Variants in ZNF844 observed in about 807,000 individuals in gnomAD.
ZNF844 encodes the protein zinc finger protein 844.
Under a neutral mutation model 11.4 loss-of-function variants are expected in ZNF844, and 11 were observed. The ratio of observed to expected loss-of-function variants is 0.97; its 90% CI spans 0.61 to 1.60. ZNF844 has a LOEUF of 1.60. Among genes scored for constraint, ZNF844 ranks in the 40% most tolerant of loss-of-function variants. The pLI is 0.00. For missense variants in ZNF844, 790 were observed against 796.8 expected (o/e 0.99, Z 0.10); for synonymous variants, 248 against 260.3 (o/e 0.95, Z 0.46).
At chr19:12,072,485 A>G (rs1975762665) in intron 1 of ZNF844, among the ~76,000 whole-genome samples, 1 of 151,756 alleles carries the variant, frequency 6.6e-6, no homozygotes, top group South Asian at 2.1e-4. Flanking sequence ...TTCCATAAAG[A>G]TTGAGCCATT....
intron 1 of ZNF844, among the ~76,000 whole-genome samples, chr19:12,069,953 CAAA>C (rs34426508): frequency 4.6e-5 from 3 of 64,938 alleles, no homozygotes; most frequent in Admixed American, 1.9e-4. Context: ...GACTCCGTCT[CAAA>C]AAAAAAAAAA....
chr19:12,069,361 G>A (rs1173148466), intron 1 of ZNF844, among the ~76,000 whole-genome samples: 1 of 150,312 alleles, frequency 6.7e-6, no homozygotes, highest in Non-Finnish European at 1.5e-5. Context: ...TTTTTGTATT[G>A]TTAGTAGAGA....
chr19:12,064,785 G>A lies in ZNF844; in HGVS notation c.-89G>A. 2.1e-6 allele frequency: 3 copies of A among 1,457,246 alleles called. No homozygotes were observed. The highest frequency in any genetic ancestry group is 2.8e-6 in the Non-Finnish European group (3 of 1,075,434). The allele number at this position is 1,457,246 out of a possible 1,614,324, so 90.3% of individuals were successfully genotyped here. On this transcript the variant is annotated 5_prime_UTR_variant, in exon 1 of 4. Coordinates refer to ENST00000439326, the MANE Select transcript of ZNF844 (RefSeq NM_001136501.3). ...TGGCACCCCGTTTTTCCTGCTCTGA[G>A]AGGGACCGGTTGCCACCGCCATACT...
At chr19:12,074,543 T>C (rs999525258) in intron 3 of ZNF844, 122 bp downstream of exon 3, 4 of 783,872 alleles carry the variant, frequency 5.1e-6, no homozygotes, top group African/African-American at 1.8e-5. Flanking sequence ...TCTTAAAATA[T>C]TCACTCTAAA....
At position 12,078,258 on chromosome 19, in the gene ZNF844, C is replaced by G. The variant is rs1975854671; in HGVS notation, c.*1137C>G. The G allele has an allele frequency of 6.6e-6, 1 of 152,230 alleles. No homozygotes were observed. The highest frequency in any genetic ancestry group is 1.5e-5 in the Non-Finnish European group (1 of 68,152). The allele number at this position is 152,230 out of a possible 1,614,324, so 9.4% of individuals were successfully genotyped here. ...CTCAGGCTCCTGAGGAAAAAGATTC[C>G]TAGGATTACAGGTGTGCACCACCAC... On this transcript the variant is annotated 3_prime_UTR_variant, in exon 4 of 4. Coordinates refer to ENST00000439326, the MANE Select transcript of ZNF844 (RefSeq NM_001136501.3).
chr19:12,065,711 C>T (rs112358632), intron 1 of ZNF844, among the ~76,000 whole-genome samples: 2,152 of 150,482 alleles, frequency 0.014, 58 homozygotes, highest in African/African-American at 0.048. Flanking sequence ...GATCTGGGCT[C>T]AGTGCAACCT....
chr19:12,069,427 A>G (rs1975729044), intron 1 of ZNF844, among the ~76,000 whole-genome samples: 1 of 151,024 alleles, frequency 6.6e-6, no homozygotes, highest in African/African-American at 2.4e-5. Context: ...CAGGTGATCC[A>G]CCCACCTTGG....
At chr19:12,073,269 C>T (rs892156365) in intron 1 of ZNF844, among the ~76,000 whole-genome samples, 2 of 152,058 alleles carry the variant, frequency 1.3e-5, no homozygotes, top group African/African-American at 4.8e-5. Flanking sequence ...AAGCAATTCT[C>T]CTGCCTCAGC....
chr19:12,073,353 T>G (rs1975772018), intron 1 of ZNF844, among the ~76,000 whole-genome samples: 1 of 152,124 alleles, frequency 6.6e-6, no homozygotes, highest in African/African-American at 2.4e-5. Context: ...GAGACAGGGT[T>G]TCTCCATGTT....
chr19:12,076,936 G>T lies in ZNF844; in HGVS notation c.1816G>T (p.Glu606Ter), dbSNP rs1472743407. ...YLPRSFEYMQEHTLERNPMNV... is the reference protein window; with the variant it reads ...YLPRSFEYMQ ...GCCAAGATCCTTCGAGTACATGCAA[G>T]AACACACCCTGGAGAGAAACCCTAT... The change falls in exon 4 of 4, where the codon GAA (glutamate) becomes TAA (stop). Residue 606 changes from glutamate (E) to a stop codon, truncating the protein, a stop_gained. Coordinates refer to ENST00000439326, the MANE Select transcript of ZNF844 (RefSeq NM_001136501.3). LOFTEE classifies it low-confidence loss of function (END_TRUNC). 6.3e-7 allele frequency: 1 copy of T among 1,599,806 alleles called. No individual in the cohort carries two copies. The highest frequency in any genetic ancestry group is 8.5e-7 in the Non-Finnish European group (1 of 1,173,022).
At chr19:12,074,528 T>C (rs1568359922) in intron 3 of ZNF844, 107 bp downstream of exon 3, 12 of 844,032 alleles carry the variant, frequency 1.4e-5, no homozygotes, top group South Asian at 1.1e-4. Context: ...ATTAAATTTA[T>C]TTACTCTTAA....
At chr19:12,073,990 C>G in intron 1 of ZNF844, 41 bp from the exon 2 acceptor site, 1 of 1,592,206 alleles carries the variant, frequency 6.3e-7, no homozygotes, top group Non-Finnish European at 8.5e-7. Flanking sequence ...CCAGTGCTGT[C>G]AGTCTCACCC....
intron 1 of ZNF844, 56 bp from the exon 2 acceptor site, chr19:12,073,975 G>A (rs1230432425): frequency 6.4e-7 from 1 of 1,573,776 alleles, no homozygotes; most frequent in Non-Finnish European, 8.6e-7. Context: ...AGAGGGTATA[G>A]ACCCCCAGTG....
rs2145552745 is a variant in ZNF844, at chr19:12,079,892, GC to G, written c.*2773del. Reference sequence around the variant, plus strand: ...ACCTGGGAGGCGGAGGTTGCAGTGAGCCAAGATCACAGCATTGCACTTCAGC... The same window carrying G: ...ACCTGGGAGGCGGAGGTTGCAGTGAGCAAGATCACAGCATTGCACTTCAGC... On this transcript the variant is annotated 3_prime_UTR_variant, in exon 4 of 4. Coordinates refer to ENST00000439326, the MANE Select transcript of ZNF844 (RefSeq NM_001136501.3). 1 of 148,878 alleles carries G rather than the reference GC, an allele frequency of 6.7e-6. No homozygotes were observed. Among genetic ancestry groups the G allele is most frequent in the South Asian group, 2.1e-4 (1 of 4,720 alleles). The allele number at this position is 148,878 out of a possible 1,614,324, so 9.2% of individuals were successfully genotyped here. A position where few individuals can be genotyped will look rare whatever the true frequency, so the allele number is the denominator to read the frequency against.
At position 12,078,292 on chromosome 19, in the gene ZNF844, A is replaced by G. The variant is rs557866274; in HGVS notation, c.*1171A>G. ...CAGGTGTGCACCACCACACTTGGCT[A>G]ATTTTTATATTTTTAGTAGAGATGA... On this transcript the variant is annotated 3_prime_UTR_variant, in exon 4 of 4. Coordinates refer to ENST00000439326, the MANE Select transcript of ZNF844 (RefSeq NM_001136501.3). 3 of 152,014 alleles carry G rather than the reference A, an allele frequency of 2.0e-5. No homozygotes were observed. Among genetic ancestry groups the G allele is most frequent in the East Asian group, 1.9e-4 (1 of 5,166 alleles). The allele number at this position is 152,014 out of a possible 1,614,324, so 9.4% of individuals were successfully genotyped here. A position where few individuals can be genotyped will look rare whatever the true frequency, so the allele number is the denominator to read the frequency against.
At position 12,076,460 on chromosome 19, in the gene ZNF844, G is replaced by A. The variant is rs376579156; in HGVS notation, c.1340G>A (p.Arg447His). 281 of 1,606,672 alleles carry A rather than the reference G, an allele frequency of 1.7e-4. No individual in the cohort carries two copies. The African/African-American group carries it at 2.7e-3, about 16-fold the overall frequency. ...AAAGGACTCACACTGGAGAGAAACC[G>A]TATGAGTGTAAGCAATGTGGGAAAG... Reference protein sequence around the residue: ...IMKGLTLERNRMSVSNVGKPS... With the variant: ...IMKGLTLERNHMSVSNVGKPS... The change falls in exon 4 of 4, where the codon CGT becomes CAT. Residue 447 changes from arginine to histidine, a missense_variant. Physicochemically the swap from Arg to His is conservative, Grantham distance 29 (BLOSUM62 0). Coordinates refer to ENST00000439326, the MANE Select transcript of ZNF844 (RefSeq NM_001136501.3).
In ZNF844 at chr19:12,077,772, A is replaced by G. The variant is rs1208302083; in HGVS notation, c.*651A>G. 1 of 356,642 alleles carries G rather than the reference A, an allele frequency of 2.8e-6. No individual in the cohort carries two copies. The highest frequency in any genetic ancestry group is 7.0e-5 in the East Asian group (1 of 14,326). The allele number at this position is 356,642 out of a possible 1,614,324, so 22.1% of individuals were successfully genotyped here. A position where few individuals can be genotyped will look rare whatever the true frequency, so the allele number is the denominator to read the frequency against. On this transcript the variant is annotated 3_prime_UTR_variant, in exon 4 of 4. Coordinates refer to ENST00000439326, the MANE Select transcript of ZNF844 (RefSeq NM_001136501.3). ...ATTTGCTAAGAACCTTCAAATACAGACAATGAATGTAAACAATTAAATGTT... is the reference window on the plus strand; with the variant it reads ...ATTTGCTAAGAACCTTCAAATACAGGCAATGAATGTAAACAATTAAATGTT...
Position 12,076,451 on chromosome 19 carries a change from A to G in ZNF844, c.1331A>G (p.Glu444Gly). The G allele has an allele frequency of 6.2e-7, 1 of 1,614,024 alleles. No individual in the cohort carries two copies. The highest frequency in any genetic ancestry group is 1.1e-5 in the South Asian group (1 of 91,078). The change falls in exon 4 of 4, where the codon GAG (glutamate) becomes GGG (glycine). Residue 444 changes from glutamate to glycine, a missense_variant. By Grantham distance (98) the Glu-to-Gly change is moderately conservative (BLOSUM62 -2). Transcript: ENST00000439326. ...GATATCATGAAAGGACTCACACTGG[A>G]GAGAAACCGTATGAGTGTAAGCAAT... ...PFDIMKGLTL[E>G]RNRMSVSNVG...
rs1389109278 is a variant in ZNF844 at position 12,076,697 on chromosome 19, C to T, written c.1577C>T (p.Thr526Ile). 1 of 1,613,850 alleles carries T rather than the reference C, an allele frequency of 6.2e-7. No homozygotes were observed. Among genetic ancestry groups the T allele is most frequent in the African/African-American group, 1.3e-5 (1 of 74,976 alleles). Residue 526 changes from threonine (T) to isoleucine (I), a missense_variant, in exon 4 of 4, where the codon ACA becomes ATA. Thr to Ile is a moderately conservative substitution (Grantham distance 89). Around this residue, in one of 3 missense-constraint regions of ZNF844, gnomAD observed 657 missense variants for 636.2 expected, o/e 1.03. Transcript: ENST00000439326. ...ACCTTCAAATGCATGAAAGGACTCA[C>T]ACTGGAAAGCAACTGTATGAATCTA... ...PHTFKCMKGL[T>I]LESNCMNLNN...
Sources: allele counts gnomAD v4.1 joint callset (sites outside exome capture counted in the v4.1 genomes callset), GRCh38; gene constraint gnomAD v4.1.1; regional missense constraint gnomAD v4.1.1; transcripts MANE v1.5; gene names NCBI Gene and HGNC (gene_info 2026-07-23, HGNC 2026-07-21).